The following DLGAP4 variants were observed in gnomAD, a reference collection of about 807,000 sequenced individuals.
DLGAP4 encodes DLG associated protein 4.
Under a neutral mutation model 86.9 loss-of-function variants are expected in DLGAP4, and 18 were observed. The observed-to-expected ratio is 0.21, with a 90% CI of 0.14 to 0.31. The LOEUF is 0.31. Ranked by LOEUF, DLGAP4 falls within the 10% of genes least tolerant of loss-of-function variation. The pLI, the probability that DLGAP4 is intolerant of heterozygous loss-of-function variation, is 1.00. For missense variants in DLGAP4, 1,085 were observed against 1,362.6 expected, an observed-to-expected ratio of 0.80 and a Z score of 3.21; for synonymous variants, 548 against 574.3, an observed-to-expected ratio of 0.95 and a Z score of 0.65.
At chr20:36,520,101 G>A (rs1383865791) in intron 10 of DLGAP4, among the ~76,000 whole-genome samples, 1 of 151,964 alleles carries the variant, frequency 6.6e-6, no homozygotes, top group Non-Finnish European at 1.5e-5. Flanking sequence ...ATCTTAATGG[G>A]TATGAAGTAT....
intron 5 of DLGAP4, 71 bp downstream of exon 5, chr20:36,439,939 G>A (rs1304682752): frequency 8.2e-6 from 11 of 1,334,314 alleles, no homozygotes; most frequent in Admixed American, 3.8e-5. Context: ...GAGGACACAC[G>A]CCCAGGCCCA....
chr20:36,466,553 C>T (rs1003123086), intron 7 of DLGAP4, among the ~76,000 whole-genome samples: 3 of 152,112 alleles, frequency 2.0e-5, no homozygotes, highest in Admixed American at 1.3e-4. Flanking sequence ...AAATCTCTCT[C>T]GGGTTCCCAG....
At chr20:36,493,658 G>A (rs1332670343) in intron 7 of DLGAP4, among the ~76,000 whole-genome samples, 1 of 152,130 alleles carries the variant, frequency 6.6e-6, no homozygotes, top group African/African-American at 2.4e-5. Flanking sequence ...AACACCGGCA[G>A]CCCAGCCCAG....
At chr20:36,465,162 A>G (rs952896274) in intron 7 of DLGAP4, 1 of 94,444 alleles carries the variant, frequency 1.1e-5, no homozygotes, top group African/African-American at 4.0e-5. Context: ...TTCCCCCCCC[A>G]TCCCCCCCAC....
intron 1 of DLGAP4, among the ~76,000 whole-genome samples, chr20:36,332,621 C>A (rs570851019): frequency 1.1e-4 from 17 of 152,228 alleles, no homozygotes; most frequent in African/African-American, 3.9e-4. Context: ...AACTCCTAAC[C>A]TCAAGTGATC....
At chr20:36,339,197 C>T (rs1171812863) in intron 1 of DLGAP4, among the ~76,000 whole-genome samples, 2 of 151,612 alleles carry the variant, frequency 1.3e-5, no homozygotes, top group Admixed American at 6.6e-5. Flanking sequence ...AAGCCATTCT[C>T]GTGCTTCAGC....
intron 7 of DLGAP4, among the ~76,000 whole-genome samples, chr20:36,451,065 T>C (rs2033722666): frequency 6.6e-6 from 1 of 152,228 alleles, no homozygotes; most frequent in African/African-American, 2.4e-5. Flanking sequence ...GCTTGCTTCC[T>C]TCCTAAAGAA....
intron 2 of DLGAP4, among the ~76,000 whole-genome samples, chr20:36,409,034 CT>C (rs35210861): frequency 0.019 from 2,163 of 111,108 alleles, 18 homozygotes; most frequent in African/African-American, 0.065. Context: ...AAATAAAAGG[CT>C]TTTTTTTTTT....
intron 1 of DLGAP4, among the ~76,000 whole-genome samples, chr20:36,345,271 C>T (rs557022357): frequency 2.6e-5 from 4 of 152,302 alleles, no homozygotes; most frequent in East Asian, 3.9e-4. Context: ...CTGGAGGAAT[C>T]GCTTTTTTTC....
chr20:36,502,534 T>C (rs1258420438), intron 10 of DLGAP4, among the ~76,000 whole-genome samples: 1 of 151,934 alleles, frequency 6.6e-6, no homozygotes, highest in Non-Finnish European at 1.5e-5. Flanking sequence ...AATTTTTTTG[T>C]AGGGACAAGG....
At chr20:36,336,244 C>G (rs951970727) in intron 1 of DLGAP4, among the ~76,000 whole-genome samples, 4 of 152,156 alleles carry the variant, frequency 2.6e-5, no homozygotes, top group South Asian at 2.1e-4. Flanking sequence ...TCCAGGGTCA[C>G]CTAGGAGACA....
intron 1 of DLGAP4, among the ~76,000 whole-genome samples, chr20:36,311,239 G>A (rs1309475287): frequency 1.3e-5 from 2 of 151,276 alleles, no homozygotes; most frequent in South Asian, 2.1e-4. Context: ...AGGGTGGGGG[G>A]GGTGGACCCT....
intron 7 of DLGAP4, among the ~76,000 whole-genome samples, chr20:36,493,506 G>A (rs1263639772): frequency 6.6e-6 from 1 of 152,242 alleles, no homozygotes; most frequent in African/African-American, 2.4e-5. Context: ...CAGAGGGCAA[G>A]CAGGAGCCTG....
intron 1 of DLGAP4, among the ~76,000 whole-genome samples, chr20:36,342,287 C>A (rs1324391318): frequency 6.6e-6 from 1 of 152,196 alleles, no homozygotes; most frequent in Non-Finnish European, 1.5e-5. Flanking sequence ...ACTGCAAGAA[C>A]CTGGAAGCCA....
At chr20:36,516,682 A>G (rs905416040) in intron 10 of DLGAP4, among the ~76,000 whole-genome samples, 7 of 151,852 alleles carry the variant, frequency 4.6e-5, no homozygotes, top group Non-Finnish European at 1.0e-4. Flanking sequence ...AAAAAAAAAA[A>G]AAAAAAAAAT....
At chr20:36,386,182 C>T (rs2031589702) in intron 2 of DLGAP4, among the ~76,000 whole-genome samples, 1 of 152,142 alleles carries the variant, frequency 6.6e-6, no homozygotes, top group Non-Finnish European at 1.5e-5. Flanking sequence ...GGACACAGAA[C>T]CAGAGAGCAA....
chr20:36,509,856 T>C (rs1023286617), intron 10 of DLGAP4, among the ~76,000 whole-genome samples: 5 of 151,926 alleles, frequency 3.3e-5, no homozygotes, highest in Non-Finnish European at 2.9e-5. Context: ...ACATTATTGC[T>C]TGTCTTTTTT....
chr20:36,518,436 T>C (rs2037173005), intron 10 of DLGAP4, among the ~76,000 whole-genome samples: 1 of 152,232 alleles, frequency 6.6e-6, no homozygotes, highest in African/African-American at 2.4e-5. Flanking sequence ...GGGTTAATTG[T>C]ATTATTCCCT....
At chr20:36,323,081 G>A (rs1226343180) in intron 1 of DLGAP4, among the ~76,000 whole-genome samples, 1 of 151,192 alleles carries the variant, frequency 6.6e-6, no homozygotes, top group African/African-American at 2.4e-5. Context: ...AGGAGGCTGA[G>A]GTGGGAGGAT....
Sources: gnomAD v4.1 joint callset for allele counts (sites outside exome capture counted in the v4.1 genomes callset) on GRCh38, gnomAD v4.1.1 for gene constraint, MANE v1.5 for transcripts, NCBI Gene and HGNC (gene_info 2026-07-23, HGNC 2026-07-21) for gene names.